The following WWOX variants were observed in gnomAD, a reference collection of about 807,000 sequenced individuals.
WWOX encodes WW domain-containing oxidoreductase.
A neutral mutation model predicts 46.2 loss-of-function variants in WWOX; 69 were observed. The ratio of observed to expected loss-of-function variants is 1.49; its 90% CI spans 1.23 to 1.82. The LOEUF (loss-of-function observed/expected upper bound fraction) is 1.82, where lower values mean the gene tolerates loss of function less well. Ranked by LOEUF, WWOX falls within the 40% of genes most tolerant of loss-of-function variation. WWOX has a pLI of 0.00. For missense variants in WWOX, 919 were observed against 542.6 expected (o/e 1.69, Z -6.89); for synonymous variants, 359 against 202.6 (o/e 1.77, Z -6.56).
intron 8 of WWOX, among the ~76,000 whole-genome samples, chr16:78,739,757 G>A (rs999646488): frequency 2.6e-5 from 4 of 152,154 alleles, no homozygotes; most frequent in Non-Finnish European, 5.9e-5. Flanking sequence ...GTTGCAGTGA[G>A]CCGAGATCGT....
In WWOX at chr16:78,521,673, G is replaced by C. The variant is rs181556898; in HGVS notation, c.1056+88921G>C. Among the ~76,000 whole-genome samples the C allele has an allele frequency of 8.8e-3, 1,341 of 152,264 alleles. 11 individuals carry two copies. The highest frequency in any genetic ancestry group is 0.013 in the Non-Finnish European group (892 of 68,022). On this transcript the variant is annotated intron_variant, in intron 8 of 8. Transcript: ENST00000566780. Reference sequence around the variant, plus strand: ...ATATTGGTTCCCAGTCTAGTTCACAGGTGTTATCAAGATGGTTACCTTTCT... The same window carrying C: ...ATATTGGTTCCCAGTCTAGTTCACACGTGTTATCAAGATGGTTACCTTTCT...
At chr16:78,607,474 G>A (rs935144044) in intron 8 of WWOX, among the ~76,000 whole-genome samples, 80 of 152,162 alleles carry the variant, frequency 5.3e-4, no homozygotes, top group African/African-American at 1.5e-3. Context: ...TTCAAAAATT[G>A]TTATAAAGAT....
At chr16:78,641,621 C>T (rs149991827) in intron 8 of WWOX, among the ~76,000 whole-genome samples, 29 of 152,250 alleles carry the variant, frequency 1.9e-4, no homozygotes, top group Admixed American at 4.6e-4. Flanking sequence ...TGTTTTCCTG[C>T]AGATGCCCGG....
intron 8 of WWOX, among the ~76,000 whole-genome samples, chr16:78,499,444 C>G (rs16947801): frequency 0.011 from 1,644 of 152,290 alleles, 32 homozygotes; most frequent in African/African-American, 0.038. Context: ...CACTTTTTAC[C>G]ATAGCTAACC....
At chr16:78,288,640 G>A (rs1431601731) in intron 5 of WWOX, among the ~76,000 whole-genome samples, 1 of 152,022 alleles carries the variant, frequency 6.6e-6, no homozygotes, top group African/African-American at 2.4e-5. Context: ...CATTTGCAAG[G>A]TCTCTCTTTA....
chr16:78,334,688 G>A (rs886485865), intron 5 of WWOX, among the ~76,000 whole-genome samples: 3 of 151,564 alleles, frequency 2.0e-5, no homozygotes, highest in African/African-American at 7.3e-5. Context: ...CAGAGAAAAA[G>A]CCACATTGTT....
intron 8 of WWOX, among the ~76,000 whole-genome samples, chr16:78,514,101 T>C (rs971161016): frequency 6.6e-6 from 1 of 152,176 alleles, no homozygotes; most frequent in Non-Finnish European, 1.5e-5. Context: ...ACCCCATAAA[T>C]ACTGCTCAAG....
chr16:78,140,170 T>G (rs2033936588), intron 4 of WWOX, among the ~76,000 whole-genome samples: 1 of 152,122 alleles, frequency 6.6e-6, no homozygotes, highest in South Asian at 2.1e-4. Context: ...AAAAATGGTT[T>G]GAGTAAAATG....
intron 8 of WWOX, among the ~76,000 whole-genome samples, chr16:79,078,776 C>T (rs1228288366): frequency 6.6e-6 from 1 of 152,216 alleles, no homozygotes; most frequent in Non-Finnish European, 1.5e-5. Context: ...AATGTCTTCA[C>T]TTCTCTTGGC....
intron 8 of WWOX, among the ~76,000 whole-genome samples, chr16:78,938,918 G>T (rs7200657): frequency 6.6e-6 from 1 of 152,034 alleles, no homozygotes; most frequent in African/African-American, 2.4e-5. Flanking sequence ...GGCCCAGTCA[G>T]GGGGAATGCT....
chr16:78,404,148 G>A (rs1034588436), intron 6 of WWOX, among the ~76,000 whole-genome samples: 1 of 152,122 alleles, frequency 6.6e-6, no homozygotes, highest in African/African-American at 2.4e-5. Flanking sequence ...TGACTGTGTT[G>A]TGGATAATGG....
At chr16:78,804,619 A>G (rs1047679819) in intron 8 of WWOX, among the ~76,000 whole-genome samples, 5 of 152,324 alleles carry the variant, frequency 3.3e-5, no homozygotes, top group Middle Eastern at 3.4e-3. Context: ...AATGTTTTAC[A>G]TGTCAAGCAA....
chr16:78,379,316 T>C (rs868611583), intron 5 of WWOX, among the ~76,000 whole-genome samples: 1 of 152,142 alleles, frequency 6.6e-6, no homozygotes, highest in South Asian at 2.1e-4. Flanking sequence ...GATCACAAAA[T>C]AGCTAATTCC....
At chr16:78,792,372 G>T (rs1164649599) in intron 8 of WWOX, among the ~76,000 whole-genome samples, 1 of 152,112 alleles carries the variant, frequency 6.6e-6, no homozygotes, top group African/African-American at 2.4e-5. Flanking sequence ...GGTAGAAACA[G>T]AAAAAAACAG....
chr16:78,524,976 G>A (rs1036166685), intron 8 of WWOX, among the ~76,000 whole-genome samples: 3 of 147,194 alleles, frequency 2.0e-5, no homozygotes, highest in Non-Finnish European at 3.0e-5. Flanking sequence ...AGCAATCTTC[G>A]TGTTTCAGCC....
At chr16:78,639,820 C>G (rs778165040) in intron 8 of WWOX, among the ~76,000 whole-genome samples, 2 of 152,168 alleles carry the variant, frequency 1.3e-5, no homozygotes, top group African/African-American at 2.4e-5. Context: ...CCTGCCCCAG[C>G]CTCCCACAGT....
At chr16:78,953,434 C>G (rs541572697) in intron 8 of WWOX, among the ~76,000 whole-genome samples, 11 of 151,956 alleles carry the variant, frequency 7.2e-5, no homozygotes, top group Non-Finnish European at 1.5e-4. Context: ...GAAACCTGTT[C>G]ATCAACAGTC....
intron 8 of WWOX, among the ~76,000 whole-genome samples, chr16:79,075,546 T>C (rs2048639083): frequency 4.3e-5 from 1 of 23,000 alleles, no homozygotes; most frequent in South Asian, 3.4e-3. Flanking sequence ...CCTTTCTCTC[T>C]CTCTCTTTTT....
intron 8 of WWOX, among the ~76,000 whole-genome samples, chr16:78,559,181 C>T (rs1379990434): frequency 6.6e-6 from 1 of 152,184 alleles, no homozygotes; most frequent in African/African-American, 2.4e-5. Context: ...CTAGATCTTA[C>T]CCTGACAGTC....
Sources: allele counts gnomAD v4.1 joint callset (sites outside exome capture counted in the v4.1 genomes callset), GRCh38; gene constraint gnomAD v4.1.1; transcripts MANE v1.5; gene names NCBI Gene and HGNC (gene_info 2026-07-23, HGNC 2026-07-21).